The following BCL2 variants were observed in gnomAD, a reference collection of about 807,000 sequenced individuals.
The protein encoded by BCL2 is apoptosis regulator Bcl-2.
A neutral mutation model predicts 14.2 loss-of-function variants in BCL2; 1 was observed. The ratio of observed to expected loss-of-function variants is 0.07; its 90% CI spans 0.02 to 0.33. BCL2 has a LOEUF of 0.33. Ranked by LOEUF, BCL2 falls within the 10% of genes least tolerant of loss-of-function variation. The pLI is 0.99. For synonymous variants in BCL2, 151 were observed against 137.2 expected (o/e 1.10, Z -0.70); for missense variants, 247 against 305.9 (o/e 0.81, Z 1.44).
At chr18:63,297,882 T>C (rs1912844965) in intron 2 of BCL2, among the ~76,000 whole-genome samples, 1 of 152,156 alleles carries the variant, frequency 6.6e-6, no homozygotes, top group African/African-American at 2.4e-5. Flanking sequence ...AGTGGCTGCT[T>C]CTAAAAGCCC....
rs539970175 is a variant in BCL2, at chr18:63,225,724, T to C, written c.585+92358A>G. ...TGCTGCACTCCACCCCTCACGGAGG[T>C]GGAGCACGCAGGTGAGTAGATGCAG... On this transcript the variant is annotated intron_variant, in intron 2 of 2. Transcript: ENST00000333681. Among the ~76,000 whole-genome samples, 280 of 152,072 alleles carry C rather than the reference T, an allele frequency of 1.8e-3. 1 individual carries two copies. The highest frequency in any genetic ancestry group is 6.1e-3 in the African/African-American group (253 of 41,464).
intron 2 of BCL2, among the ~76,000 whole-genome samples, chr18:63,272,894 A>G (rs1429707110): frequency 6.6e-6 from 1 of 152,210 alleles, no homozygotes; most frequent in Non-Finnish European, 1.5e-5. Context: ...TAATTATCCT[A>G]TCTCACTGCC....
chr18:63,266,935 AG>A (rs1040199383), intron 2 of BCL2, among the ~76,000 whole-genome samples: 7 of 152,230 alleles, frequency 4.6e-5, no homozygotes, highest in African/African-American at 1.7e-4. Flanking sequence ...CGGTTGGTCA[AG>A]GAAGACATCT....
Position 63,318,184 on chromosome 18 carries a change from G to A in BCL2, c.483C>T (p.Ser161=), listed in dbSNP as rs1398144393. Residue 161 remains serine, a synonymous_variant, in exon 2 of 3, where the codon AGC becomes AGT. Transcript: ENST00000333681. The surrounding 1 kb of genome is among the most constrained non-coding windows in gnomAD (Gnocchi z 7.4). ...FEFGGVMCVE[S]VNREMSPLVD... is the part of the protein sequence containing the mutation. The stretch of plus-strand genomic sequence containing the variant: ...CCAGGGGCGACATCTCCCGGTTGAC[G>A]CTCTCCACACACATGACCCCACCGA... 1.2e-6 allele frequency: 2 copies of A among 1,614,076 alleles called. No individual in the cohort carries two copies. The highest frequency in any genetic ancestry group is 2.2e-5 in the South Asian group (2 of 91,072).
At chr18:63,274,696 C>G (rs537307648) in intron 2 of BCL2, among the ~76,000 whole-genome samples, 1 of 152,148 alleles carries the variant, frequency 6.6e-6, no homozygotes, top group East Asian at 1.9e-4. Flanking sequence ...TGCAGGGCAA[C>G]AAGCTTTCCT....
chr18:63,306,927 T>C (rs1404463989), intron 2 of BCL2, among the ~76,000 whole-genome samples: 1 of 151,992 alleles, frequency 6.6e-6, no homozygotes, highest in Non-Finnish European at 1.5e-5. Context: ...TCTTCCAATG[T>C]GGCCCAGGGA....
intron 2 of BCL2, among the ~76,000 whole-genome samples, chr18:63,161,406 T>C (rs895932675): frequency 9.9e-5 from 15 of 152,246 alleles, no homozygotes; most frequent in Non-Finnish European, 2.1e-4. Context: ...TCAGATGATC[T>C]TTCCATCTCG....
chr18:63,146,253 G>A (rs1459760289), intron 2 of BCL2, among the ~76,000 whole-genome samples: 8 of 152,214 alleles, frequency 5.3e-5, no homozygotes, highest in Admixed American at 5.2e-4. Flanking sequence ...GAAATTAAGT[G>A]TTGGCCGAGT....
chr18:63,138,187 G>C (rs568627712), intron 2 of BCL2, among the ~76,000 whole-genome samples: 38 of 152,376 alleles, frequency 2.5e-4, no homozygotes, highest in African/African-American at 7.9e-4. Flanking sequence ...CAGAGCAAGA[G>C]GGGGAGCAAG....
chr18:63,270,390 T>C (rs1012032253), intron 2 of BCL2, among the ~76,000 whole-genome samples: 1 of 152,094 alleles, frequency 6.6e-6, no homozygotes, highest in Non-Finnish European at 1.5e-5. Flanking sequence ...AATGTAGCCT[T>C]AACAAAGAAA....
At chr18:63,316,918 G>C (rs1196319383) in intron 2 of BCL2, 1 of 137,662 alleles carries the variant, frequency 7.3e-6, no homozygotes. Context: ...TAACTCTTCA[G>C]ATTAAAACAA....
At chr18:63,253,835 G>GA (rs1346311538) in intron 2 of BCL2, among the ~76,000 whole-genome samples, 221 of 121,888 alleles carry the variant, frequency 1.8e-3, no homozygotes, top group Middle Eastern at 8.5e-3. Context: ...GAGCTAACCA[G>GA]AAAAAAAAAA....
At chr18:63,301,772 G>GCCT (rs1475919486) in intron 2 of BCL2, among the ~76,000 whole-genome samples, 34 of 152,142 alleles carry the variant, frequency 2.2e-4, no homozygotes, top group African/African-American at 8.0e-4. Flanking sequence ...CTTTTCACAC[G>GCCT]GGAAACCAGT....
In BCL2 at chr18:63,124,325, A is replaced by G. The variant is rs370035615; in HGVS notation, c.*4300T>C. 3.4e-4 allele frequency: 79 copies of G among 229,816 alleles called. No homozygotes were observed. The highest frequency in any genetic ancestry group is 1.4e-3 in the African/African-American group (64 of 45,248). The allele number at this position is 229,816 out of a possible 1,614,324, so 14.2% of individuals were successfully genotyped here. A position where few individuals can be genotyped will look rare whatever the true frequency, so the allele number is the denominator to read the frequency against. On this transcript the variant is annotated 3_prime_UTR_variant, in exon 3 of 3. Transcript: ENST00000333681. The stretch of plus-strand genomic sequence containing the variant: ...AATATCCTGTTAGTTAAAACTGCAC[A>G]TTTATTGTTTAAATACCCATTAGAC...
intron 2 of BCL2, among the ~76,000 whole-genome samples, chr18:63,256,069 C>T (rs1458193556): frequency 6.6e-6 from 1 of 152,092 alleles, no homozygotes; most frequent in Admixed American, 6.5e-5. Flanking sequence ...CGATGGGATA[C>T]ATTTAGTCAA....
intron 2 of BCL2, chr18:63,302,233 T>C: frequency 1.6e-6 from 1 of 625,510 alleles, no homozygotes; most frequent in Non-Finnish European, 2.0e-6. Flanking sequence ...CTCGGGAGGC[T>C]GAGGTTGCAG....
At chr18:63,203,017 A>C (rs1056278346) in intron 2 of BCL2, among the ~76,000 whole-genome samples, 1 of 152,148 alleles carries the variant, frequency 6.6e-6, no homozygotes, top group African/African-American at 2.4e-5. Flanking sequence ...AAATCTGTGC[A>C]TGTCGGACCT....
At chr18:63,160,507 G>C (rs930982003) in intron 2 of BCL2, among the ~76,000 whole-genome samples, 2 of 152,068 alleles carry the variant, frequency 1.3e-5, no homozygotes, top group Non-Finnish European at 2.9e-5. Context: ...TGATTAGGAG[G>C]GCTCAACCAC....
In BCL2 at chr18:63,284,394, G is replaced by A. The variant is rs1050422910; in HGVS notation, c.585+33688C>T. ...GAGGAAGTCACGTATACTTTTGCAG[G>A]CTTTCATGCAAGGACCCAAGTGTGT... On this transcript the variant is annotated intron_variant, in intron 2 of 2. Coordinates refer to ENST00000333681, the MANE Select transcript of BCL2 (RefSeq NM_000633.3). Among the ~76,000 whole-genome samples the A allele has an allele frequency of 4.6e-4, 70 of 152,162 alleles. 1 individual carries two copies. The highest frequency in any genetic ancestry group is 2.8e-4 in the Non-Finnish European group (19 of 68,044).
Sources: gnomAD v4.1 joint callset for allele counts (sites outside exome capture counted in the v4.1 genomes callset) on GRCh38, gnomAD v4.1.1 for gene constraint, Gnocchi (gnomAD v3.1) non-coding constraint, MANE v1.5 for transcripts, NCBI Gene and HGNC (gene_info 2026-07-23, HGNC 2026-07-21) for gene names.